CDKL1: variants seen among roughly 807,000 people sequenced by gnomAD.
CDKL1 encodes cyclin dependent kinase like 1, also known as cyclin-dependent kinase-like 1.
Under a neutral mutation model 42.0 loss-of-function variants are expected in CDKL1, and 41 were observed. The observed-to-expected ratio is 0.98, with a 90% CI of 0.76 to 1.27. CDKL1 has a LOEUF of 1.27. CDKL1 is among the 50% of genes most tolerant of loss of function. CDKL1 has a pLI of 0.00. For missense variants in CDKL1, 394 were observed against 428.4 expected (o/e 0.92, Z 0.71); for synonymous variants, 153 against 158.6 (o/e 0.96, Z 0.26).
intron 2 of CDKL1, among the ~76,000 whole-genome samples, chr14:50,369,737 G>T (rs1366241326): frequency 6.6e-6 from 1 of 151,624 alleles, no homozygotes; most frequent in Admixed American, 6.6e-5. Flanking sequence ...TCCTGCCTCA[G>T]CCTCCTGAGT....
intron 3 of CDKL1, among the ~76,000 whole-genome samples, chr14:50,356,576 GAACAGAAAACCA>G: frequency 6.6e-6 from 1 of 152,278 alleles, no homozygotes; most frequent in African/African-American, 2.4e-5. Context: ...TCTAACGCAG[GAACAGAAAACCA>G]AACACCACAT....
At chr14:50,337,893 C>T (rs1231264371) in intron 7 of CDKL1, among the ~76,000 whole-genome samples, 1 of 151,466 alleles carries the variant, frequency 6.6e-6, no homozygotes, top group Admixed American at 6.6e-5. Context: ...GTTGCCCGTG[C>T]TGGTCTCGAG....
rs111985271 is a variant in CDKL1, at chr14:50,327,849, T to C, written c.*2225A>G. On this transcript the variant is annotated 3_prime_UTR_variant, in exon 10 of 10. Transcript: ENST00000395834. The stretch of plus-strand genomic sequence containing the variant: ...AATGAATTTTCGTTGTGTTTAACAA[T>C]GTTGTGTTTAACAGCTTATACAAAT... 22 of 152,302 alleles carry C rather than the reference T, an allele frequency of 1.4e-4. No individual in the cohort carries two copies. The highest frequency in any genetic ancestry group is 5.3e-4 in the African/African-American group (22 of 41,568). 9.4% of individuals were successfully genotyped at this position (152,302 alleles called of 1,614,324 possible).
At chr14:50,377,345 C>T (rs1016822161) in intron 2 of CDKL1, among the ~76,000 whole-genome samples, 3 of 152,154 alleles carry the variant, frequency 2.0e-5, no homozygotes, top group Non-Finnish European at 4.4e-5. Context: ...TCCTCTCTTC[C>T]GTTCCTTGGG....
At chr14:50,396,730 C>T (rs1296462137) in intron 1 of CDKL1, 94 bp downstream of exon 1, 4 of 154,450 alleles carry the variant, frequency 2.6e-5, no homozygotes, top group Admixed American at 6.5e-5. Context: ...CCCTCCCGCG[C>T]CCGGACGTGC....
chr14:50,326,875 T>TA lies in CDKL1; in HGVS notation c.*3198dup, dbSNP rs1041332092. 2 of 502,684 alleles carry TA rather than the reference T, an allele frequency of 4.0e-6. No individual in the cohort carries two copies. Among genetic ancestry groups the TA allele is most frequent in the African/African-American group, 4.2e-5 (2 of 47,652 alleles). 31.1% of individuals were successfully genotyped at this position (502,684 alleles called of 1,614,324 possible). The stretch of plus-strand genomic sequence containing the variant: ...GGGCAACACAGTGAGACCCCATCTC[T>TA]AAAAAAATTTTAAAAATTAGGCAGG... On this transcript the variant is annotated 3_prime_UTR_variant, in exon 10 of 10. Coordinates refer to ENST00000395834, the MANE Select transcript of CDKL1 (RefSeq NM_004196.7).
chr14:50,391,027 G>A (rs1368313315), intron 2 of CDKL1, among the ~76,000 whole-genome samples: 1 of 152,066 alleles, frequency 6.6e-6, no homozygotes. Context: ...TAGAGATGGG[G>A]TTTCACCACG....
chr14:50,377,563 G>A (rs1296666760), intron 2 of CDKL1: 3 of 1,334,822 alleles, frequency 2.2e-6, no homozygotes, highest in Non-Finnish European at 3.0e-6. Flanking sequence ...TAGCTAGCAG[G>A]CCTTCAGAAT....
chr14:50,360,776 GTGTGTGTGTT>G (rs2034215810), intron 2 of CDKL1, among the ~76,000 whole-genome samples: 1 of 129,690 alleles, frequency 7.7e-6, no homozygotes, highest in African/African-American at 3.0e-5. Flanking sequence ...AATGATAGAC[GTGTGTGTGTT>G]TGTGTGTGTG....
At chr14:50,330,368 A>T in intron 9 of CDKL1, 187 bp from the exon 10 acceptor site, 2 of 615,546 alleles carry the variant, frequency 3.2e-6, no homozygotes, top group Non-Finnish European at 5.1e-6. Context: ...AAATGTTTAT[A>T]TTAAAAAGGA....
At chr14:50,357,618 T>C (rs542761621) in intron 3 of CDKL1, among the ~76,000 whole-genome samples, 40 of 152,322 alleles carry the variant, frequency 2.6e-4, no homozygotes, top group African/African-American at 8.2e-4. Context: ...AAGCTCTCTT[T>C]GAATAATATC....
At chr14:50,366,298 G>A (rs974493191) in intron 2 of CDKL1, among the ~76,000 whole-genome samples, 1 of 152,182 alleles carries the variant, frequency 6.6e-6, no homozygotes, top group African/African-American at 2.4e-5. Context: ...GTAAAGGTCT[G>A]ACCAAACCAA....
chr14:50,332,903 C>CT (rs35560184), intron 8 of CDKL1: 4,621 of 262,326 alleles, frequency 0.018, 9 homozygotes, highest in Non-Finnish European at 0.021. Flanking sequence ...AAATCAGCTA[C>CT]TTTTTTTTTT....
chr14:50,339,119 C>A, intron 6 of CDKL1, 90 bp from the exon 7 acceptor site: 2 of 903,226 alleles, frequency 2.2e-6, no homozygotes, highest in Admixed American at 1.7e-5. Context: ...TTGTCTGTGC[C>A]CATATGCATG....
rs752227409 is a variant in CDKL1 at position 50,343,030 on chromosome 14, C to A, written c.364-808G>T. 8.9e-6 allele frequency: 12 copies of A among 1,350,974 alleles called. No individual in the cohort carries two copies. In the African/African-American group the frequency reaches 1.0e-4, roughly 12 times the overall value. The allele number at this position is 1,350,974 out of a possible 1,614,324, so 83.7% of individuals were successfully genotyped here. A position where few individuals can be genotyped will look rare whatever the true frequency, so the allele number is the denominator to read the frequency against. On this transcript the variant is annotated intron_variant, in intron 4 of 9. Transcript: ENST00000395834. The stretch of plus-strand genomic sequence containing the variant: ...ACTCAAATCACCTGTGGTTTCCAGC[C>A]CACAGCCAACATTCTTAAACAGGGT...
intron 2 of CDKL1, among the ~76,000 whole-genome samples, chr14:50,376,730 T>C (rs924033693): frequency 6.6e-6 from 1 of 152,226 alleles, no homozygotes; most frequent in Non-Finnish European, 1.5e-5. Flanking sequence ...TATATTATTG[T>C]TAAGAACACT....
chr14:50,389,332 C>T (rs764020224), intron 2 of CDKL1, among the ~76,000 whole-genome samples: 4 of 152,094 alleles, frequency 2.6e-5, no homozygotes, highest in Non-Finnish European at 5.9e-5. Flanking sequence ...GCCCACACCC[C>T]ATGCACCTTT....
intron 2 of CDKL1, among the ~76,000 whole-genome samples, chr14:50,394,962 T>G (rs948189710): frequency 6.6e-6 from 1 of 151,996 alleles, no homozygotes; most frequent in Non-Finnish European, 1.5e-5. Flanking sequence ...CATAGCAAGA[T>G]CCCATCTCTA....
intron 2 of CDKL1, among the ~76,000 whole-genome samples, chr14:50,375,935 G>A (rs1003679941): frequency 1.3e-5 from 2 of 152,124 alleles, no homozygotes; most frequent in African/African-American, 4.8e-5. Context: ...TACAAAATAT[G>A]TGACCAGTAC....
Sources: allele counts gnomAD v4.1 joint callset (sites outside exome capture counted in the v4.1 genomes callset), GRCh38; gene constraint gnomAD v4.1.1; transcripts MANE v1.5; gene names NCBI Gene and HGNC (gene_info 2026-07-23, HGNC 2026-07-21).